ABCA1: variants seen among roughly 807,000 people sequenced by gnomAD.
ABCA1 encodes phospholipid-transporting ATPase ABCA1.
ABCA1 carries 133 observed loss-of-function variants against 262.5 expected under a neutral mutation model. That is an observed-to-expected ratio of 0.51 (90% confidence interval 0.44 to 0.59). The LOEUF (loss-of-function observed/expected upper bound fraction) is 0.59, where lower values mean the gene tolerates loss of function less well. Among genes scored for constraint, ABCA1 ranks in the 20% least tolerant of loss-of-function variants. ABCA1 has a pLI of 0.00. For missense variants in ABCA1, 2,452 were observed against 2,777.5 expected, an observed-to-expected ratio of 0.88 and a Z score of 2.63; for synonymous variants, 1,022 against 1,043.5, an observed-to-expected ratio of 0.98 and a Z score of 0.40.
At chr9:104,870,710 G>A (rs747612765) in intron 5 of ABCA1, among the ~76,000 whole-genome samples, 7 of 152,206 alleles carry the variant, frequency 4.6e-5, no homozygotes, top group Non-Finnish European at 1.0e-4. Flanking sequence ...CTTTGTGTGA[G>A]CAATAAAGCT....
intron 20 of ABCA1, 80 bp downstream of exon 20, chr9:104,821,295 T>A (rs1376376789): frequency 1.9e-6 from 3 of 1,566,896 alleles, no homozygotes; most frequent in Non-Finnish European, 2.6e-6. Flanking sequence ...AGTAAAATGC[T>A]TAAGTCCCAC....
chr9:104,798,349 C>T (rs927800361), intron 37 of ABCA1, 72 bp downstream of exon 37: 6 of 1,545,154 alleles, frequency 3.9e-6, no homozygotes, highest in African/African-American at 1.4e-5. Flanking sequence ...AGCCAGAGCT[C>T]TTTCTTTCTT....
At chr9:104,916,292 C>A (rs937121713) in intron 1 of ABCA1, among the ~76,000 whole-genome samples, 4 of 152,120 alleles carry the variant, frequency 2.6e-5, no homozygotes, top group South Asian at 2.1e-4. Context: ...CATAAAGAAA[C>A]AGCCTTTAGG....
chr9:104,868,912 G>A (rs1837331597), intron 5 of ABCA1, among the ~76,000 whole-genome samples: 1 of 151,980 alleles, frequency 6.6e-6, no homozygotes, highest in Non-Finnish European at 1.5e-5. Context: ...CGGGGTGGGG[G>A]CGAGGTCCTG....
Position 104,802,040 on chromosome 9 carries a change from G to C in ABCA1, c.4698+14C>G, listed in dbSNP as rs550787183. ...TGCCCATTTTTCTGATACATCTTAC[G>C]ATAGATATTTTACCTTGGCCAGCTT... On this transcript the variant is annotated intron_variant, in intron 34 of 49. Transcript: ENST00000374736. 1.7e-5 allele frequency: 27 copies of C among 1,611,668 alleles called. 1 individual carries two copies. The South Asian group carries it at 2.6e-4, about 16-fold the overall frequency.
chr9:104,828,284 TG>T (rs1350823117), intron 15 of ABCA1, among the ~76,000 whole-genome samples: 1 of 152,064 alleles, frequency 6.6e-6, no homozygotes, highest in African/African-American at 2.4e-5. Flanking sequence ...CTGAGGTAGG[TG>T]GTGTCAGGAG....
intron 1 of ABCA1, among the ~76,000 whole-genome samples, chr9:104,908,585 T>C (rs113310792): frequency 0.017 from 2,627 of 152,248 alleles, 73 homozygotes; most frequent in African/African-American, 0.06. Flanking sequence ...TGCTTGAACC[T>C]GGGAGGCGGA....
At chr9:104,858,837 T>C in intron 6 of ABCA1, 139 bp from the exon 7 acceptor site, 1 of 823,090 alleles carries the variant, frequency 1.2e-6, no homozygotes, top group Non-Finnish European at 2.0e-6. Flanking sequence ...AACAGTCCAA[T>C]GCATCAGGTC....
rs1588463832 is a variant in ABCA1 at position 104,871,098 on chromosome 9, A to G, written c.422-9298T>C. Among the ~76,000 whole-genome samples the G allele has an allele frequency of 3.3e-5, 5 of 152,320 alleles. No individual in the cohort carries two copies. The Middle Eastern group carries it at 0.01, about 311-fold the overall frequency. On this transcript the variant is annotated intron_variant, in intron 5 of 49. Coordinates refer to ENST00000374736, the MANE Select transcript of ABCA1 (RefSeq NM_005502.4). ...TTGGCTTGGGCTTAGAGGCCTGACAATGAGGACCCCTATAAAAGGGCTTGA... is the reference window on the plus strand; with the variant it reads ...TTGGCTTGGGCTTAGAGGCCTGACAGTGAGGACCCCTATAAAAGGGCTTGA...
chr9:104,921,996 G>A lies in ABCA1; in HGVS notation c.-93+5939C>T, dbSNP rs547006890. ...AGGAGTGGATCCAGAAGAGCTTCATGAGGAGGGAAGCATTTAAATCGGGTC... is the reference window on the plus strand; with the variant it reads ...AGGAGTGGATCCAGAAGAGCTTCATAAGGAGGGAAGCATTTAAATCGGGTC... On this transcript the variant is annotated intron_variant, in intron 1 of 49. Coordinates refer to ENST00000374736, the MANE Select transcript of ABCA1 (RefSeq NM_005502.4). 5.3e-5 allele frequency among the ~76,000 whole-genome samples: 8 copies of A among 152,062 alleles called. No homozygotes were observed. The South Asian group carries it at 1.0e-3, about 20-fold the overall frequency.
intron 3 of ABCA1, among the ~76,000 whole-genome samples, chr9:104,888,073 G>GTGTGTGTGTGTGTGTA (rs1564252425): frequency 3.3e-5 from 5 of 151,622 alleles, no homozygotes; most frequent in African/African-American, 1.2e-4. Context: ...GTGTGTGTGT[G>GTGTGTGTGTGTGTGTA]TGTGTGTGTG....
At chr9:104,898,595 A>T (rs991329878) in intron 2 of ABCA1, among the ~76,000 whole-genome samples, 2 of 141,386 alleles carry the variant, frequency 1.4e-5, no homozygotes, top group South Asian at 2.3e-4. Flanking sequence ...TAAATAAATA[A>T]ATATTAAATT....
chr9:104,831,473 T>C, intron 13 of ABCA1, 149 bp downstream of exon 13: 1 of 680,890 alleles, frequency 1.5e-6, no homozygotes, highest in Admixed American at 2.9e-5. Context: ...TGTACCAATT[T>C]CACCAAAATC....
chr9:104,792,435 A>G (rs867369458), intron 42 of ABCA1, among the ~76,000 whole-genome samples: 38 of 152,220 alleles, frequency 2.5e-4, no homozygotes, highest in African/African-American at 8.7e-4. Flanking sequence ...CACAGGCAAT[A>G]TATCAGCTTT....
At chr9:104,880,819 C>A (rs964665537) in intron 5 of ABCA1, among the ~76,000 whole-genome samples, 1 of 152,054 alleles carries the variant, frequency 6.6e-6, no homozygotes, top group Non-Finnish European at 1.5e-5. Flanking sequence ...TTTTTAGATA[C>A]AGATTTGGCT....
At chr9:104,811,035 C>G (rs1043331703) in intron 28 of ABCA1, 111 bp from the exon 29 acceptor site, 53 of 1,504,734 alleles carry the variant, frequency 3.5e-5, no homozygotes, top group African/African-American at 2.9e-4. Context: ...GACCAACCAG[C>G]ACGGCAATGA....
chr9:104,872,137 G>A (rs955175081), intron 5 of ABCA1, among the ~76,000 whole-genome samples: 6 of 152,266 alleles, frequency 3.9e-5, no homozygotes, highest in Middle Eastern at 3.4e-3. Flanking sequence ...CCAAGCATTA[G>A]GCACACTATT....
intron 31 of ABCA1, among the ~76,000 whole-genome samples, chr9:104,805,876 G>C (rs896347604): frequency 1.3e-5 from 2 of 152,184 alleles, no homozygotes; most frequent in African/African-American, 2.4e-5. Flanking sequence ...AGGCCGAGGC[G>C]GGTGGATCAC....
intron 43 of ABCA1, among the ~76,000 whole-genome samples, chr9:104,791,554 G>A (rs1266202002): frequency 6.6e-6 from 1 of 152,120 alleles, no homozygotes; most frequent in Non-Finnish European, 1.5e-5. Flanking sequence ...AGCCTCCCGA[G>A]TAGCTGGGAC....
Sources: allele counts gnomAD v4.1 joint callset (sites outside exome capture counted in the v4.1 genomes callset), GRCh38; gene constraint gnomAD v4.1.1; transcripts MANE v1.5; gene names NCBI Gene and HGNC (gene_info 2026-07-23, HGNC 2026-07-21).